The following MYO10 variants were observed in gnomAD, a reference collection of about 807,000 sequenced individuals.
The protein encoded by MYO10 is unconventional myosin-X.
MYO10 carries 133 observed loss-of-function variants against 257.3 expected under a neutral mutation model. The observed-to-expected ratio is 0.52, with a 90% CI of 0.45 to 0.60. The LOEUF is 0.60. MYO10 is among the 20% of genes least tolerant of loss of function. The probability of loss-of-function intolerance (pLI) is 0.00; values close to 1 mark genes in which losing one functional copy is unlikely to be tolerated. For synonymous variants in MYO10, 1,104 were observed against 1,028.6 expected (o/e 1.07, Z -1.40); for missense variants, 2,399 against 2,635.7 (o/e 0.91, Z 1.97).
At chr5:16,792,749 G>A (rs1579996160) in intron 4 of MYO10, among the ~76,000 whole-genome samples, 1 of 152,164 alleles carries the variant, frequency 6.6e-6, no homozygotes, top group African/African-American at 2.4e-5. Flanking sequence ...CGGGGCTGCA[G>A]TGCTCACAGG....
chr5:16,928,602 T>C (rs185781446), intron 1 of MYO10, among the ~76,000 whole-genome samples: 8 of 152,088 alleles, frequency 5.3e-5, no homozygotes, highest in East Asian at 2.0e-4. Flanking sequence ...TCCCAGCACT[T>C]TGGGAGGCTG....
At chr5:16,668,809 G>T (rs27889) in intron 39 of MYO10, among the ~76,000 whole-genome samples, 1 of 151,910 alleles carries the variant, frequency 6.6e-6, no homozygotes, top group Non-Finnish European at 1.5e-5. Flanking sequence ...GGGACTTAAG[G>T]AAGCTTCCCT....
chr5:16,849,546 G>C (rs575753334), intron 2 of MYO10, among the ~76,000 whole-genome samples: 1 of 152,260 alleles, frequency 6.6e-6, no homozygotes, highest in South Asian at 2.1e-4. Context: ...CCCATATTAT[G>C]TTAATATGTT....
At chr5:16,774,226 C>T (rs1741145069) in intron 9 of MYO10, among the ~76,000 whole-genome samples, 1 of 152,094 alleles carries the variant, frequency 6.6e-6, no homozygotes, top group Admixed American at 6.6e-5. Flanking sequence ...GAGTCCCAAT[C>T]ATCATGCACA....
intron 19 of MYO10, among the ~76,000 whole-genome samples, chr5:16,751,545 G>C (rs1740377229): frequency 6.6e-6 from 1 of 151,934 alleles, no homozygotes; most frequent in Non-Finnish European, 1.5e-5. Flanking sequence ...GCAATGTCGT[G>C]ATCTCAGCTC....
At chr5:16,902,106 C>T (rs1037394586) in intron 1 of MYO10, among the ~76,000 whole-genome samples, 2 of 151,920 alleles carry the variant, frequency 1.3e-5, no homozygotes, top group African/African-American at 2.4e-5. Context: ...AATGCAGAGG[C>T]GCAATATGGG....
At chr5:16,853,544 C>T (rs1330920495) in intron 2 of MYO10, among the ~76,000 whole-genome samples, 1 of 152,212 alleles carries the variant, frequency 6.6e-6, no homozygotes, top group Non-Finnish European at 1.5e-5. Flanking sequence ...ATGACAGCCT[C>T]TCACCTACTT....
rs114976851 is a variant in MYO10, at chr5:16,697,890, G to A, written c.3556+1560C>T. The stretch of plus-strand genomic sequence containing the variant: ...TATCCCTGCCCATCTCCACCTTCTC[G>A]ACTCTCTCCCCTCTCCAGTCTAGGT... On this transcript the variant is annotated intron_variant, in intron 26 of 40. Coordinates refer to ENST00000513610, the MANE Select transcript of MYO10 (RefSeq NM_012334.3). Among the ~76,000 whole-genome samples the A allele has an allele frequency of 5.4e-3, 827 of 152,198 alleles. 6 individuals carry two copies. The highest frequency in any genetic ancestry group is 0.019 in the African/African-American group (792 of 41,536).
intron 3 of MYO10, among the ~76,000 whole-genome samples, chr5:16,816,534 T>C (rs1742615994): frequency 6.6e-6 from 1 of 150,672 alleles, no homozygotes; most frequent in Admixed American, 6.6e-5. Context: ...AAGGCTGATT[T>C]TTCTTTTTTT....
chr5:16,770,086 G>A (rs1740999753), intron 9 of MYO10, among the ~76,000 whole-genome samples: 1 of 152,004 alleles, frequency 6.6e-6, no homozygotes, highest in Non-Finnish European at 1.5e-5. Flanking sequence ...TAAAAAATTA[G>A]CCAGGTGTGT....
At chr5:16,893,912 G>A (rs1025675107) in intron 1 of MYO10, among the ~76,000 whole-genome samples, 10 of 152,154 alleles carry the variant, frequency 6.6e-5, no homozygotes, top group African/African-American at 2.4e-4. Context: ...ACCAGGCAGC[G>A]AGGAGTGAGG....
At chr5:16,776,632 G>A (rs1231526934) in intron 9 of MYO10, among the ~76,000 whole-genome samples, 1 of 152,134 alleles carries the variant, frequency 6.6e-6, no homozygotes, top group Non-Finnish European at 1.5e-5. Context: ...CAAATGCCAA[G>A]ACCTATTATT....
At chr5:16,691,285 A>G (rs1472008322) in intron 27 of MYO10, among the ~76,000 whole-genome samples, 1 of 149,176 alleles carries the variant, frequency 6.7e-6, no homozygotes, top group African/African-American at 2.5e-5. Flanking sequence ...AAAAAAAAAA[A>G]GTACAAATGT....
At chr5:16,843,256 C>T (rs1228086483) in intron 2 of MYO10, among the ~76,000 whole-genome samples, 2 of 152,196 alleles carry the variant, frequency 1.3e-5, no homozygotes, top group African/African-American at 4.8e-5. Flanking sequence ...TTCTAATTTT[C>T]TATGGCAATG....
At chr5:16,696,540 T>C (rs1737752852) in intron 26 of MYO10, among the ~76,000 whole-genome samples, 1 of 152,218 alleles carries the variant, frequency 6.6e-6, no homozygotes, top group Non-Finnish European at 1.5e-5. Flanking sequence ...CTACTCTTAC[T>C]GGTTTTAATC....
In MYO10 at chr5:16,935,848, A is replaced by G. The variant is rs1388003911; in HGVS notation, c.-40T>C. The G allele has an allele frequency of 6.2e-7, 1 of 1,609,878 alleles. No individual in the cohort carries two copies. Among genetic ancestry groups the G allele is most frequent in the Non-Finnish European group, 8.5e-7 (1 of 1,178,576 alleles). The stretch of plus-strand genomic sequence containing the variant: ...CCCGGACTCGCCGAGTGCCGCTCCG[A>G]CTCGCGGAAGTCAGCGCCGCCGCGG... On this transcript the variant is annotated 5_prime_UTR_variant, in exon 1 of 41. Transcript: ENST00000513610.
chr5:16,673,455 T>C (rs941852574), intron 36 of MYO10, among the ~76,000 whole-genome samples: 3 of 152,114 alleles, frequency 2.0e-5, no homozygotes, highest in Non-Finnish European at 4.4e-5. Context: ...ATTAGCAAGA[T>C]TATGTCTCAG....
chr5:16,684,050 A>C (rs535508475), intron 29 of MYO10, 115 bp from the exon 30 acceptor site: 1 of 919,700 alleles, frequency 1.1e-6, no homozygotes, highest in Admixed American at 2.2e-5. Flanking sequence ...TTTTCTTTTT[A>C]ACTTCAAAAT....
intron 1 of MYO10, among the ~76,000 whole-genome samples, chr5:16,878,757 C>T (rs115128319): frequency 1.3e-5 from 2 of 152,042 alleles, no homozygotes; most frequent in African/African-American, 2.4e-5. Context: ...CATACGTTCT[C>T]GCTTATAAGT....
Sources: allele counts gnomAD v4.1 joint callset (sites outside exome capture counted in the v4.1 genomes callset), GRCh38; gene constraint gnomAD v4.1.1; transcripts MANE v1.5; gene names NCBI Gene and HGNC (gene_info 2026-07-23, HGNC 2026-07-21).